Variants in DCC observed in about 807,000 individuals in gnomAD.
The protein encoded by DCC is DCC netrin 1 receptor, also known as netrin receptor DCC.
In DCC, 58 loss-of-function variants were observed where a neutral mutation model predicts 172.5. The observed-to-expected ratio is 0.34, with a 90% CI of 0.27 to 0.42. The LOEUF (loss-of-function observed/expected upper bound fraction) is 0.42. DCC is among the 10% of genes least tolerant of loss of function. DCC has a pLI of 1.00. For synonymous variants in DCC, 709 were observed against 644.5 expected, an observed-to-expected ratio of 1.10 and a Z score of -1.52; for missense variants, 1,740 against 1,791.0, an observed-to-expected ratio of 0.97 and a Z score of 0.51.
At chr18:52,394,097 G>A (rs1041563746) in intron 1 of DCC, among the ~76,000 whole-genome samples, 1 of 152,042 alleles carries the variant, frequency 6.6e-6, no homozygotes, top group African/African-American at 2.4e-5. Context: ...AAAAACAACA[G>A]GTGCAGCCTG....
At chr18:53,418,817 C>T (rs989055553) in intron 21 of DCC, among the ~76,000 whole-genome samples, 6 of 152,106 alleles carry the variant, frequency 3.9e-5, no homozygotes, top group African/African-American at 1.4e-4. Flanking sequence ...TTCTTCTGAG[C>T]AATGGTATAG....
chr18:52,587,381 G>A (rs1272899560), intron 1 of DCC, among the ~76,000 whole-genome samples: 1 of 152,178 alleles, frequency 6.6e-6, no homozygotes. Context: ...GTTGTCCACA[G>A]AACGGGTCAT....
chr18:52,790,561 G>A (rs1441577993), intron 2 of DCC, among the ~76,000 whole-genome samples: 2 of 152,056 alleles, frequency 1.3e-5, no homozygotes, highest in African/African-American at 4.8e-5. Flanking sequence ...CATTTCCCAG[G>A]TTGGAAGAAC....
intron 15 of DCC, 142 bp downstream of exon 15, chr18:53,340,049 C>A (rs917629277): frequency 1.2e-5 from 3 of 258,038 alleles, no homozygotes; most frequent in Admixed American, 4.9e-5. Flanking sequence ...TGTCTATCTA[C>A]ACACACACAC....
At chr18:53,454,836 A>G (rs1482690672) in intron 23 of DCC, among the ~76,000 whole-genome samples, 2 of 152,188 alleles carry the variant, frequency 1.3e-5, no homozygotes, top group Non-Finnish European at 2.9e-5. Context: ...GGTTTTCAAT[A>G]TTCACCTCAT....
rs118076017 is a variant in DCC at position 52,995,888 on chromosome 18, T to C, written c.986-67417T>C. 7.9e-3 allele frequency among the ~76,000 whole-genome samples: 1,193 copies of C among 151,950 alleles called. 10 individuals are homozygous for C. The highest frequency in any genetic ancestry group is 0.012 in the Non-Finnish European group (838 of 67,932). ...TTTTCCCTAGCACTCCCCAGCTTTT[T>C]GTTTCTGTCTCCTGCTTTTTTTTTT... On this transcript the variant is annotated intron_variant, in intron 5 of 28. Transcript: ENST00000442544.
intron 2 of DCC, among the ~76,000 whole-genome samples, chr18:52,826,482 C>CTT (rs201342264): frequency 6.6e-6 from 1 of 150,632 alleles, no homozygotes; most frequent in Non-Finnish European, 1.5e-5. Context: ...CTTCCATTCT[C>CTT]TTTTTTTTTA....
intron 27 of DCC, among the ~76,000 whole-genome samples, chr18:53,517,229 A>G (rs1267454758): frequency 2.0e-5 from 3 of 149,600 alleles, no homozygotes; most frequent in Non-Finnish European, 3.0e-5. Flanking sequence ...ATTCTCACTC[A>G]TAGGTGGGAA....
intron 1 of DCC, among the ~76,000 whole-genome samples, chr18:52,417,667 C>T (rs1987088848): frequency 6.6e-6 from 1 of 152,204 alleles, no homozygotes; most frequent in African/African-American, 2.4e-5. Context: ...ATTGCATCGG[C>T]TCCTGAGGCT....
intron 2 of DCC, among the ~76,000 whole-genome samples, chr18:52,871,074 A>T (rs1244330874): frequency 6.6e-6 from 1 of 152,184 alleles, no homozygotes; most frequent in Non-Finnish European, 1.5e-5. Flanking sequence ...CAAAAGCCCC[A>T]TAGGGATGAG....
chr18:53,449,432 G>A (rs1418541741), intron 22 of DCC, among the ~76,000 whole-genome samples: 1 of 152,172 alleles, frequency 6.6e-6, no homozygotes, highest in Admixed American at 6.5e-5. Flanking sequence ...ACGAGGTACT[G>A]AGGCAATTCA....
chr18:53,535,219 C>A lies in DCC; in HGVS notation c.*4566C>A. ...TTTAATTTATTATTTAGAGTGGCTT[C>A]TTTTTGGATAATTTATGATAAAAAG... On this transcript the variant is annotated 3_prime_UTR_variant, in exon 29 of 29. Transcript: ENST00000442544. 1.3e-5 allele frequency: 2 copies of A among 151,970 alleles called. No individual in the cohort carries two copies. The highest frequency in any genetic ancestry group is 1.9e-4 in the East Asian group (1 of 5,152). The allele number at this position is 151,970 out of a possible 1,614,324, so 9.4% of individuals were successfully genotyped here. A position where few individuals can be genotyped will look rare whatever the true frequency, so the allele number is the denominator to read the frequency against.
intron 1 of DCC, among the ~76,000 whole-genome samples, chr18:52,458,465 T>C (rs533686976): frequency 6.6e-6 from 1 of 152,294 alleles, no homozygotes; most frequent in Admixed American, 6.5e-5. Context: ...CTATTAGGTT[T>C]TGTTATCAAA....
In DCC at chr18:53,427,272, A is replaced by C. The variant is rs1350829389; in HGVS notation, c.3164-7872A>C. Among the ~76,000 whole-genome samples, 8 of 152,244 alleles carry C rather than the reference A, an allele frequency of 5.3e-5. No homozygotes were observed. The East Asian group carries it at 1.5e-3, about 29-fold the overall frequency. On this transcript the variant is annotated intron_variant, in intron 21 of 28. Transcript: ENST00000442544. Reference sequence around the variant, plus strand: ...AAGCTGCATATAAAAGTGGTTTCTTAGACCCCTAGGATGACTGTTACTTCA... The same window carrying C: ...AAGCTGCATATAAAAGTGGTTTCTTCGACCCCTAGGATGACTGTTACTTCA...
chr18:52,381,496 G>T (rs898630579), intron 1 of DCC, among the ~76,000 whole-genome samples: 2 of 152,082 alleles, frequency 1.3e-5, no homozygotes, highest in Non-Finnish European at 2.9e-5. Context: ...ACAGGAGCAG[G>T]AGCAACATTG....
chr18:52,800,115 T>G lies in DCC; in HGVS notation c.412+47741T>G, dbSNP rs1323095692. Among the ~76,000 whole-genome samples the G allele has an allele frequency of 3.3e-5, 5 of 152,210 alleles. No homozygotes were observed. The East Asian group carries it at 5.8e-4, about 18-fold the overall frequency. On this transcript the variant is annotated intron_variant, in intron 2 of 28. Coordinates refer to ENST00000442544, the MANE Select transcript of DCC (RefSeq NM_005215.4). ...TGATAGTATTCACTTTCTTGTGGTGTTCAGTGAATTAATGAAATTAGTTAC... is the reference window on the plus strand; with the variant it reads ...TGATAGTATTCACTTTCTTGTGGTGGTCAGTGAATTAATGAAATTAGTTAC...
intron 7 of DCC, among the ~76,000 whole-genome samples, chr18:53,130,073 G>A (rs1027560459): frequency 2.0e-5 from 3 of 151,984 alleles, no homozygotes; most frequent in Non-Finnish European, 4.4e-5. Flanking sequence ...TGTTTCCCTA[G>A]GTTCCTTTTT....
rs149564409 is a variant in DCC at position 53,004,219 on chromosome 18, A to G, written c.986-59086A>G. Among the ~76,000 whole-genome samples the G allele has an allele frequency of 2.6e-5, 4 of 152,316 alleles. No homozygotes were observed. The East Asian group carries it at 7.7e-4, about 29-fold the overall frequency. On this transcript the variant is annotated intron_variant, in intron 5 of 28. Coordinates refer to ENST00000442544, the MANE Select transcript of DCC (RefSeq NM_005215.4). Reference sequence around the variant, plus strand: ...AAAATGTGTGAATGATTTTCTGTGTATGTCCAAAACTACTTTTTATATGGA... The same window carrying G: ...AAAATGTGTGAATGATTTTCTGTGTGTGTCCAAAACTACTTTTTATATGGA...
intron 12 of DCC, among the ~76,000 whole-genome samples, chr18:53,305,018 T>A (rs1487459593): frequency 6.6e-6 from 1 of 152,162 alleles, no homozygotes; most frequent in African/African-American, 2.4e-5. Context: ...TCTGATAGTT[T>A]TATAAAGGGG....
Sources: gnomAD v4.1 joint callset for allele counts (sites outside exome capture counted in the v4.1 genomes callset) on GRCh38, gnomAD v4.1.1 for gene constraint, MANE v1.5 for transcripts, NCBI Gene and HGNC (gene_info 2026-07-23, HGNC 2026-07-21) for gene names.